Variants in BRSK2 observed in about 807,000 individuals in gnomAD.
BRSK2 encodes BR serine/threonine kinase 2, also known as serine/threonine-protein kinase BRSK2.
BRSK2 carries 19 observed loss-of-function variants against 83.3 expected under a neutral mutation model. The observed-to-expected ratio is 0.23, with a 90% CI of 0.16 to 0.33. BRSK2 has a LOEUF of 0.33. Among genes scored for constraint, BRSK2 ranks in the 10% least tolerant of loss-of-function variants. BRSK2 has a pLI of 1.00. For synonymous variants in BRSK2, 519 were observed against 435.4 expected (o/e 1.19, Z -2.39); for missense variants, 798 against 1,042.3 (o/e 0.77, Z 3.23).
chr11:1,397,169 C>G (rs1455413264), intron 1 of BRSK2, among the ~76,000 whole-genome samples: 1 of 152,232 alleles, frequency 6.6e-6, no homozygotes, highest in Admixed American at 6.5e-5. Context: ...AGCCCCAGGT[C>G]CTAGCCTAGG....
chr11:1,418,591 T>G (rs536167079), intron 1 of BRSK2, among the ~76,000 whole-genome samples: 37 of 151,324 alleles, frequency 2.4e-4, no homozygotes, highest in African/African-American at 7.3e-4. Context: ...CTGCTTCTGT[T>G]GGCTGTTTCT....
intron 1 of BRSK2, among the ~76,000 whole-genome samples, chr11:1,426,064 G>T (rs1423580048): frequency 6.6e-6 from 1 of 152,198 alleles, no homozygotes; most frequent in African/African-American, 2.4e-5. Flanking sequence ...CTGGCCCCTG[G>T]CTCCTAGCCT....
intron 1 of BRSK2, among the ~76,000 whole-genome samples, chr11:1,435,827 G>A (rs946667483): frequency 3.9e-5 from 6 of 152,006 alleles, no homozygotes; most frequent in South Asian, 4.2e-4. Flanking sequence ...AAGGGCCGGC[G>A]TGGAGGGAAG....
In BRSK2 at chr11:1,390,686, C is replaced by T. The variant is rs1470330418; in HGVS notation, c.91+311C>T. Among the ~76,000 whole-genome samples the T allele has an allele frequency of 6.7e-6, 1 of 150,002 alleles. No individual in the cohort carries two copies. The highest frequency in any genetic ancestry group is 1.5e-5 in the Non-Finnish European group (1 of 67,374). On this transcript the variant is annotated intron_variant, in intron 1 of 19. Transcript: ENST00000528841. This position sits in a 1 kb window ranked among gnomAD's most constrained non-coding sequence, Gnocchi z 6.8. Reference sequence around the variant, plus strand: ...CGCTGCAGGTGCGCGGCCCGGGCCGCATTGTGCGCCCCAGCGACCGGGCCC... The same window carrying T: ...CGCTGCAGGTGCGCGGCCCGGGCCGTATTGTGCGCCCCAGCGACCGGGCCC...
chr11:1,433,544 C>G (rs1849871013), intron 1 of BRSK2, among the ~76,000 whole-genome samples: 1 of 152,280 alleles, frequency 6.6e-6, no homozygotes, highest in South Asian at 2.1e-4. Flanking sequence ...ACGCCTTAGC[C>G]TTGCAGCCAG....
intron 11 of BRSK2, 29 bp downstream of exon 11, chr11:1,445,697 G>A (rs370640615): frequency 3.4e-5 from 54 of 1,611,266 alleles, no homozygotes; most frequent in African/African-American, 5.3e-5. Context: ...CCTCCAGCCC[G>A]GCCTGCACTG....
chr11:1,433,635 G>A (rs1213313645), intron 1 of BRSK2, among the ~76,000 whole-genome samples: 4 of 152,246 alleles, frequency 2.6e-5, no homozygotes, highest in African/African-American at 9.6e-5. Flanking sequence ...CCGGGATGCA[G>A]GCCAGCCTCG....
chr11:1,408,147 A>G (rs1847040786), intron 1 of BRSK2, among the ~76,000 whole-genome samples: 1 of 152,216 alleles, frequency 6.6e-6, no homozygotes, highest in African/African-American at 2.4e-5. Flanking sequence ...TGGGGAGCAC[A>G]GGCGGGCCTG....
chr11:1,402,956 T>G (rs908635186), intron 1 of BRSK2, among the ~76,000 whole-genome samples: 4 of 152,132 alleles, frequency 2.6e-5, no homozygotes, highest in Non-Finnish European at 5.9e-5. Flanking sequence ...CATCGTAAAG[T>G]GCACAGATGA....
chr11:1,461,413 C>T lies in BRSK2; in HGVS notation c.*690C>T, dbSNP rs959017037. On this transcript the variant is annotated 3_prime_UTR_variant, in exon 20 of 20. Coordinates refer to ENST00000528841, the MANE Select transcript of BRSK2 (RefSeq NM_001256627.2). ...GCCTCCCGTCCTCTCGTCTCACCCG[C>T]GCCTCCCTTGCCTCATCTGGGGCGG... 1.9e-5 allele frequency: 5 copies of T among 256,520 alleles called. No homozygotes were observed. The highest frequency in any genetic ancestry group is 1.2e-4 in the Admixed American group (2 of 17,202). The allele number at this position is 256,520 out of a possible 1,614,324, so 15.9% of individuals were successfully genotyped here.
At position 1,450,639 on chromosome 11, in the gene BRSK2, C is replaced by G; in HGVS notation, c.1340C>G (p.Thr447Arg). ...AGTCCCCTCCCCACCCCCAAGGGGA[C>G]ACCTGTCCACACGCCAAAGGAGAGC... The part of the protein sequence containing the change: ...RGSPLPTPKG[T>R]PVHTPKESPA... Residue 447 changes from threonine (T) to arginine (R), a missense_variant, in exon 14 of 20, where the codon ACA becomes AGA. By Grantham distance (71) the Thr-to-Arg change is moderately conservative (BLOSUM62 -1). Transcript: ENST00000528841. 1 of 1,607,286 alleles carries G rather than the reference C, an allele frequency of 6.2e-7. No homozygotes were observed. Among genetic ancestry groups the G allele is most frequent in the Non-Finnish European group, 8.5e-7 (1 of 1,177,882 alleles).
At chr11:1,457,243 T>C (rs1466936603) in intron 18 of BRSK2, among the ~76,000 whole-genome samples, 1 of 152,120 alleles carries the variant, frequency 6.6e-6, no homozygotes, top group Non-Finnish European at 1.5e-5. Context: ...GGCCCTGCCC[T>C]CGGGACTCCC....
In BRSK2 at chr11:1,390,040, C is replaced by G. The variant is rs1221274140; in HGVS notation, c.-245C>G. The stretch of plus-strand genomic sequence containing the variant: ...GCGGCGGCGGCGGAAGCCAGGTGCC[C>G]CCGCCCGCCCTGTCCTCTCGACGAG... On this transcript the variant is annotated 5_prime_UTR_variant, in exon 1 of 20. Coordinates refer to ENST00000528841, the MANE Select transcript of BRSK2 (RefSeq NM_001256627.2). The surrounding 1 kb of genome is among the most constrained non-coding windows in gnomAD (Gnocchi z 6.8). 1 of 148,012 alleles carries G rather than the reference C, an allele frequency of 6.8e-6. No homozygotes were observed. The highest frequency in any genetic ancestry group is 2.4e-5 in the African/African-American group (1 of 40,882). The allele number at this position is 148,012 out of a possible 1,614,324, so 9.2% of individuals were successfully genotyped here. A position where few individuals can be genotyped will look rare whatever the true frequency, so the allele number is the denominator to read the frequency against.
rs76463641 is a variant in BRSK2 at position 1,462,062 on chromosome 11, G to A, written c.*1339G>A. The A allele has an allele frequency of 0.017, 2,569 of 152,294 alleles. 32 individuals carry two copies. The highest frequency in any genetic ancestry group is 0.044 in the Middle Eastern group (13 of 294). 9.4% of individuals were successfully genotyped at this position (152,294 alleles called of 1,614,324 possible). On this transcript the variant is annotated 3_prime_UTR_variant, in exon 20 of 20. Coordinates refer to ENST00000528841, the MANE Select transcript of BRSK2 (RefSeq NM_001256627.2). ...AGCTGGCCCTCCCCACACACAGGACGGCAGGGGCACTGTGAGGCTTTTCTT... is the reference window on the plus strand; with the variant it reads ...AGCTGGCCCTCCCCACACACAGGACAGCAGGGGCACTGTGAGGCTTTTCTT...
chr11:1,403,016 G>A (rs1234506202), intron 1 of BRSK2, among the ~76,000 whole-genome samples: 4 of 152,192 alleles, frequency 2.6e-5, no homozygotes, highest in Admixed American at 6.5e-5. Context: ...TGCAGATGGC[G>A]TGGGTGGGAG....
rs917277595 is a variant in BRSK2 at position 1,390,742 on chromosome 11, G to A, written c.91+367G>A. 6.6e-6 allele frequency among the ~76,000 whole-genome samples: 1 copy of A among 151,548 alleles called. No individual in the cohort carries two copies. The highest frequency in any genetic ancestry group is 1.5e-5 in the Non-Finnish European group (1 of 67,858). On this transcript the variant is annotated intron_variant, in intron 1 of 19. Coordinates refer to ENST00000528841, the MANE Select transcript of BRSK2 (RefSeq NM_001256627.2). This position sits in a 1 kb window ranked among gnomAD's most constrained non-coding sequence, Gnocchi z 6.8. ...GCCGCGGGAGGAGGGGGCCGCGCGG[G>A]CGCCCATCTGCCGTCTGCCGCGGCC...
chr11:1,444,262 A>C (rs1851728606), intron 8 of BRSK2, among the ~76,000 whole-genome samples: 1 of 152,062 alleles, frequency 6.6e-6, no homozygotes, highest in Non-Finnish European at 1.5e-5. Context: ...GCAAGAGCCA[A>C]AGGTAGCCCC....
intron 1 of BRSK2, among the ~76,000 whole-genome samples, chr11:1,411,798 C>T (rs1395164731): frequency 6.6e-6 from 1 of 152,196 alleles, no homozygotes; most frequent in East Asian, 1.9e-4. Context: ...CGCTGCCTGC[C>T]CCTATGTGGA....
In BRSK2 at chr11:1,389,973, G is replaced by GGGGGCGCGGGGCGC. The variant is rs1052602482; in HGVS notation, c.-301_-288dup. The GGGGGCGCGGGGCGC allele has an allele frequency of 4.1e-5, 6 of 148,140 alleles. No individual in the cohort carries two copies. The highest frequency in any genetic ancestry group is 7.3e-5 in the African/African-American group (3 of 40,910). 9.2% of individuals were successfully genotyped at this position (148,140 alleles called of 1,614,324 possible). The stretch of plus-strand genomic sequence containing the variant: ...GCGCGGCCGCTGACGGGCGTGCGCT[G>GGGGGCGCGGGGCGC]GGGGCGCGGGGCGCGGGGCGCGGGC... On this transcript the variant is annotated 5_prime_UTR_variant, in exon 1 of 20. Coordinates refer to ENST00000528841, the MANE Select transcript of BRSK2 (RefSeq NM_001256627.2). This position sits in a 1 kb window ranked among gnomAD's most constrained non-coding sequence, Gnocchi z 4.1.
Sources: allele counts gnomAD v4.1 joint callset (sites outside exome capture counted in the v4.1 genomes callset), GRCh38; gene constraint gnomAD v4.1.1; non-coding constraint Gnocchi (gnomAD v3.1); transcripts MANE v1.5; gene names NCBI Gene and HGNC (gene_info 2026-07-23, HGNC 2026-07-21).